Variants in DNAH7 observed in about 807,000 individuals in gnomAD.
The protein encoded by DNAH7 is axonemal beta dynein heavy chain 7.
DNAH7 carries 397 observed loss-of-function variants against 444.6 expected under a neutral mutation model. The ratio of observed to expected loss-of-function variants is 0.89; its 90% CI spans 0.82 to 0.97. The LOEUF is 0.97. DNAH7 is among the 50% of genes least tolerant of loss of function. DNAH7 has a pLI of 0.00. For missense variants in DNAH7, 4,902 were observed against 4,800.8 expected, an observed-to-expected ratio of 1.02 and a Z score of -0.62; for synonymous variants, 1,636 against 1,624.4, an observed-to-expected ratio of 1.01 and a Z score of -0.17.
intron 15 of DNAH7, among the ~76,000 whole-genome samples, chr2:195,975,833 G>C (rs1313117803): frequency 6.6e-6 from 1 of 152,198 alleles, no homozygotes; most frequent in East Asian, 1.9e-4. Flanking sequence ...CCACTGGCTT[G>C]AAGGGAGGGA....
In DNAH7 at chr2:195,926,574, A is replaced by G. The variant is rs765036069; in HGVS notation, c.3472-8T>C. ...AGTTGCATCTCCAGTTACCTAATCA[A>G]AAAAGAATATGCTAAATATTAACCA... On this transcript the variant is annotated splice_polypyrimidine_tract_variant and splice_region_variant and intron_variant, in intron 21 of 64. Coordinates refer to ENST00000312428, the MANE Select transcript of DNAH7 (RefSeq NM_018897.3). The G allele has an allele frequency of 1.0e-5, 16 of 1,583,968 alleles. No individual in the cohort carries two copies. Among genetic ancestry groups the G allele is most frequent in the Non-Finnish European group, 1.2e-5 (14 of 1,168,622 alleles).
At chr2:196,053,149 A>T (rs1697586658) in intron 2 of DNAH7, among the ~76,000 whole-genome samples, 1 of 152,216 alleles carries the variant, frequency 6.6e-6, no homozygotes, top group African/African-American at 2.4e-5. Flanking sequence ...GAAAAGTGCT[A>T]GGTAGATGGA....
chr2:195,749,965 T>C (rs1406463569), intron 63 of DNAH7, among the ~76,000 whole-genome samples: 1 of 151,800 alleles, frequency 6.6e-6, no homozygotes. Context: ...ACATGTACTC[T>C]AAAACTTAAA....
At chr2:195,864,095 G>T in intron 41 of DNAH7, 54 bp downstream of exon 41, 2 of 1,559,762 alleles carry the variant, frequency 1.3e-6, no homozygotes, top group African/African-American at 1.4e-5. Context: ...AAGTCATGAT[G>T]ATAGTGGAAA....
intron 50 of DNAH7, 30 bp downstream of exon 50, chr2:195,817,666 A>G: frequency 6.4e-7 from 1 of 1,567,476 alleles, no homozygotes; most frequent in South Asian, 1.2e-5. Context: ...AGAAACAAAT[A>G]AGAATAGTTC....
intron 63 of DNAH7, among the ~76,000 whole-genome samples, chr2:195,744,927 A>C (rs1409560854): frequency 6.6e-6 from 1 of 152,236 alleles, no homozygotes; most frequent in East Asian, 1.9e-4. Context: ...GAAAAACTGG[A>C]AACTTTAAAA....
At chr2:195,766,560 T>TTAA (rs1199309779) in intron 61 of DNAH7, among the ~76,000 whole-genome samples, 2 of 151,668 alleles carry the variant, frequency 1.3e-5, no homozygotes, top group Non-Finnish European at 2.9e-5. Flanking sequence ...GTAGGTAGGG[T>TTAA]TAATAGTAGG....
chr2:195,846,949 A>ATGTATGTGTGTGTG (rs1553535818), intron 46 of DNAH7, among the ~76,000 whole-genome samples: 1 of 137,158 alleles, frequency 7.3e-6, no homozygotes, highest in African/African-American at 2.8e-5. Context: ...ACTCCCATAT[A>ATGTATGTGTGTGTG]TGTGTGTGTG....
intron 2 of DNAH7, among the ~76,000 whole-genome samples, chr2:196,057,564 T>C (rs1359160347): frequency 2.0e-5 from 3 of 152,232 alleles, no homozygotes; most frequent in Non-Finnish European, 4.4e-5. Context: ...AATTAAAACA[T>C]GTACTTGAAA....
At chr2:195,805,907 T>A (rs1233098381) in intron 54 of DNAH7, among the ~76,000 whole-genome samples, 1 of 152,194 alleles carries the variant, frequency 6.6e-6, no homozygotes, top group Admixed American at 6.5e-5. Flanking sequence ...TGTGTATTTT[T>A]AAAAAATTAA....
intron 63 of DNAH7, among the ~76,000 whole-genome samples, chr2:195,741,866 T>G (rs1011595350): frequency 4.1e-4 from 63 of 152,158 alleles, no homozygotes; most frequent in African/African-American, 1.5e-3. Flanking sequence ...GAGGCTGGTA[T>G]TAGTAAGCTG....
At chr2:196,005,597 A>T (rs1256402034) in intron 10 of DNAH7, among the ~76,000 whole-genome samples, 1 of 152,072 alleles carries the variant, frequency 6.6e-6, no homozygotes, top group African/African-American at 2.4e-5. Context: ...TTTGCCAACA[A>T]ATTTGATAAT....
chr2:195,823,811 T>G (rs1697582997), intron 49 of DNAH7, among the ~76,000 whole-genome samples: 4 of 152,204 alleles, frequency 2.6e-5, no homozygotes. Flanking sequence ...TTTAAAGGAA[T>G]TTTTAGTATT....
intron 40 of DNAH7, among the ~76,000 whole-genome samples, chr2:195,866,471 A>C (rs1443352461): frequency 6.6e-6 from 1 of 152,248 alleles, no homozygotes; most frequent in African/African-American, 2.4e-5. Flanking sequence ...GCCAATGGCC[A>C]ATCTTTGAAT....
intron 7 of DNAH7, 82 bp from the exon 8 acceptor site, chr2:196,024,586 CTAAGAT>C (rs529579075): frequency 7.1e-5 from 50 of 700,384 alleles, no homozygotes; most frequent in Middle Eastern, 4.1e-4. Flanking sequence ...GCTAGTTCTA[CTAAGAT>C]TAACTGTTTA....
At chr2:195,751,475 AC>A (rs1201414588) in intron 63 of DNAH7, among the ~76,000 whole-genome samples, 2 of 152,190 alleles carry the variant, frequency 1.3e-5, no homozygotes, top group African/African-American at 4.8e-5. Flanking sequence ...GTGCAGACAA[AC>A]AAGATCACCA....
chr2:195,866,354 T>C (rs776793157), intron 40 of DNAH7, among the ~76,000 whole-genome samples: 9 of 152,224 alleles, frequency 5.9e-5, no homozygotes, highest in Non-Finnish European at 1.3e-4. Context: ...CTTTTTTTTT[T>C]TCACTAATAG....
rs1700028221 is a variant in DNAH7, at chr2:195,861,726, TTTTC to T, written c.7723_7726del (p.Glu2575ArgfsTer6). The T allele has an allele frequency of 1.2e-6, 2 of 1,606,074 alleles. No individual in the cohort carries two copies. The highest frequency in any genetic ancestry group is 4.5e-5 in the East Asian group (2 of 44,798). ...GAAATTTGATTTTTACCTTCTTTTC[TTTTC>T]TAACAACAGTTTGAAGGTGGAGATT... On this transcript the variant is annotated frameshift_variant, in exon 42 of 65. Coordinates refer to ENST00000312428, the MANE Select transcript of DNAH7 (RefSeq NM_018897.3). LOFTEE classifies it high-confidence loss of function.
intron 21 of DNAH7, among the ~76,000 whole-genome samples, chr2:195,928,770 A>G (rs1447972523): frequency 6.6e-6 from 1 of 152,166 alleles, no homozygotes; most frequent in Non-Finnish European, 1.5e-5. Context: ...GAAAGAAACA[A>G]TGGTAACATT....
Sources: allele counts gnomAD v4.1 joint callset (sites outside exome capture counted in the v4.1 genomes callset), GRCh38; gene constraint gnomAD v4.1.1; transcripts MANE v1.5; gene names NCBI Gene and HGNC (gene_info 2026-07-23, HGNC 2026-07-21).